Variants in FOXP2 observed in about 807,000 individuals in gnomAD.
FOXP2 encodes forkhead box P2.
A neutral mutation model predicts 115.8 loss-of-function variants in FOXP2; 12 were observed. The observed-to-expected ratio is 0.10, with a 90% CI of 0.07 to 0.17. FOXP2 has a LOEUF of 0.17. Among genes scored for constraint, FOXP2 ranks in the 10% least tolerant of loss-of-function variants. The pLI is 1.00. For missense variants in FOXP2, 629 were observed against 843.5 expected (o/e 0.75, Z 3.15); for synonymous variants, 328 against 297.7 (o/e 1.10, Z -1.05).
chr7:114,465,982 C>T (rs940755053), intron 2 of FOXP2, among the ~76,000 whole-genome samples: 5 of 152,172 alleles, frequency 3.3e-5, no homozygotes, highest in Admixed American at 6.6e-5. Context: ...GTCTTACCCA[C>T]GAAGCATTAG....
At chr7:114,272,607 G>A (rs1013720877) in intron 1 of FOXP2, among the ~76,000 whole-genome samples, 5 of 151,676 alleles carry the variant, frequency 3.3e-5, no homozygotes, top group Non-Finnish European at 7.4e-5. Flanking sequence ...ATGAGTTTTG[G>A]CAGCTTGTGT....
At chr7:114,576,931 T>A (rs1347690177) in intron 3 of FOXP2, among the ~76,000 whole-genome samples, 1 of 151,988 alleles carries the variant, frequency 6.6e-6, no homozygotes, top group Non-Finnish European at 1.5e-5. Context: ...ATTTTCAGAA[T>A]TGTGCTCATA....
chr7:114,388,633 A>T (rs750233456), intron 2 of FOXP2, among the ~76,000 whole-genome samples: 5 of 152,182 alleles, frequency 3.3e-5, no homozygotes, highest in Middle Eastern at 3.2e-3. Flanking sequence ...ACACTTTACT[A>T]ACTGGTAAAA....
At chr7:114,473,219 G>A (rs577632684) in intron 2 of FOXP2, among the ~76,000 whole-genome samples, 2 of 152,184 alleles carry the variant, frequency 1.3e-5, no homozygotes, top group African/African-American at 2.4e-5. Flanking sequence ...CTGACTAGAT[G>A]GACACTGATT....
chr7:114,306,671 T>C (rs1797020419), intron 2 of FOXP2, among the ~76,000 whole-genome samples: 1 of 152,158 alleles, frequency 6.6e-6, no homozygotes, highest in Non-Finnish European at 1.5e-5. Context: ...CATAAACTTA[T>C]TATCTCATAG....
intron 1 of FOXP2, among the ~76,000 whole-genome samples, chr7:114,286,358 C>A (rs2129175730): frequency 6.6e-6 from 1 of 152,004 alleles, no homozygotes; most frequent in Admixed American, 6.6e-5. Context: ...CCTTTTATAG[C>A]ATATGCTTTT....
chr7:114,218,806 G>C (rs1584553685), intron 1 of FOXP2, among the ~76,000 whole-genome samples: 1 of 152,094 alleles, frequency 6.6e-6, no homozygotes, highest in Non-Finnish European at 1.5e-5. Context: ...ATTAAGGATA[G>C]TTAGTATTAT....
chr7:114,369,450 A>G (rs1295728269), intron 2 of FOXP2, among the ~76,000 whole-genome samples: 1 of 152,092 alleles, frequency 6.6e-6, no homozygotes, highest in Non-Finnish European at 1.5e-5. Flanking sequence ...CTGATCGTAA[A>G]TGCTGAATCC....
chr7:114,659,869 T>C (rs1253448521), intron 13 of FOXP2, among the ~76,000 whole-genome samples, 196 bp downstream of exon 13: 1 of 152,182 alleles, frequency 6.6e-6, no homozygotes, highest in East Asian at 1.9e-4. Flanking sequence ...TTTTCTAATT[T>C]GGTGCAATTA....
chr7:114,285,803 T>C (rs1381919133), intron 1 of FOXP2, among the ~76,000 whole-genome samples: 1 of 152,040 alleles, frequency 6.6e-6, no homozygotes, highest in Non-Finnish European at 1.5e-5. Context: ...GGTTCTTTGC[T>C]CATTTTTCTA....
chr7:114,677,911 T>C (rs1807863138), intron 16 of FOXP2, among the ~76,000 whole-genome samples: 1 of 152,214 alleles, frequency 6.6e-6, no homozygotes, highest in South Asian at 2.1e-4. Flanking sequence ...GTGTGCATCA[T>C]ACTCTGCTAG....
At chr7:114,443,572 T>C (rs1794701581) in intron 2 of FOXP2, among the ~76,000 whole-genome samples, 2 of 152,152 alleles carry the variant, frequency 1.3e-5, no homozygotes, top group African/African-American at 4.8e-5. Flanking sequence ...TTCTCAGCCT[T>C]CTCCCACCCT....
intron 1 of FOXP2, among the ~76,000 whole-genome samples, chr7:114,193,358 C>A (rs1793814895): frequency 6.6e-6 from 1 of 151,952 alleles, no homozygotes; most frequent in South Asian, 2.1e-4. Flanking sequence ...TAGTGAACAA[C>A]TCTTGGTTTA....
chr7:114,139,144 TA>T (rs1307709293), intron 1 of FOXP2, among the ~76,000 whole-genome samples: 1 of 152,192 alleles, frequency 6.6e-6, no homozygotes, highest in African/African-American at 2.4e-5. Flanking sequence ...CCAGGTACTT[TA>T]AAAAATATAT....
At position 114,524,747 on chromosome 7, in the gene FOXP2, C is replaced by T. The variant is rs1028060511; in HGVS notation, c.169-9870C>T. Among the ~76,000 whole-genome samples, 6 of 151,686 alleles carry T rather than the reference C, an allele frequency of 4.0e-5. No individual in the cohort carries two copies. In the South Asian group the frequency reaches 1.3e-3, roughly 32 times the overall value. On this transcript the variant is annotated intron_variant, in intron 2 of 16. Coordinates refer to ENST00000350908, the MANE Select transcript of FOXP2 (RefSeq NM_014491.4). Reference sequence around the variant, plus strand: ...CCCTTATAGTCACTTTTTGTAATACCTTTTAATGGCTTACAGTACATTTCT... The same window carrying T: ...CCCTTATAGTCACTTTTTGTAATACTTTTTAATGGCTTACAGTACATTTCT...
At chr7:114,214,847 C>A (rs774124141) in intron 1 of FOXP2, among the ~76,000 whole-genome samples, 47 of 152,152 alleles carry the variant, frequency 3.1e-4, no homozygotes, top group Admixed American at 2.7e-3. Context: ...GGGGAAAATG[C>A]CATCTATTCT....
In FOXP2 at chr7:114,198,813, G is replaced by A. The variant is rs530527484; in HGVS notation, c.-102+35725G>A. On this transcript the variant is annotated intron_variant, in intron 1 of 17. Coordinates refer to the FOXP2 transcript ENST00000634411. Reference sequence around the variant, plus strand: ...AGTGGGGAGAAGGAGAGAGGGAGAAGACTGATTTTATGAAATTGGGATCTG... The same window carrying A: ...AGTGGGGAGAAGGAGAGAGGGAGAAAACTGATTTTATGAAATTGGGATCTG... Among the ~76,000 whole-genome samples the A allele has an allele frequency of 2.0e-3, 304 of 152,296 alleles. 8 individuals are homozygous for A. The South Asian group carries it at 0.037, about 18-fold the overall frequency.
chr7:114,487,310 G>T (rs1401757894), intron 2 of FOXP2, among the ~76,000 whole-genome samples: 1 of 152,118 alleles, frequency 6.6e-6, no homozygotes, highest in African/African-American at 2.4e-5. Context: ...TCCATGACTG[G>T]AGCCGCTGGG....
At chr7:114,625,804 G>T (rs987315623) in intron 3 of FOXP2, among the ~76,000 whole-genome samples, 3 of 151,632 alleles carry the variant, frequency 2.0e-5, no homozygotes, top group Non-Finnish European at 4.4e-5. Context: ...TCCTTAGTTT[G>T]GGTGAGCTTA....
Sources: allele counts gnomAD v4.1 joint callset (sites outside exome capture counted in the v4.1 genomes callset), GRCh38; gene constraint gnomAD v4.1.1; transcripts MANE v1.5; gene names NCBI Gene and HGNC (gene_info 2026-07-23, HGNC 2026-07-21).